ROBO2: variants seen among roughly 807,000 people sequenced by gnomAD.
The protein encoded by ROBO2 is roundabout guidance receptor 2, also known as roundabout homolog 2.
A neutral mutation model predicts 160.8 loss-of-function variants in ROBO2; 53 were observed. The ratio of observed to expected loss-of-function variants is 0.33; its 90% CI spans 0.26 to 0.41. The LOEUF is 0.41. Ranked by LOEUF, ROBO2 falls within the 10% of genes least tolerant of loss-of-function variation. The pLI, the probability that ROBO2 is intolerant of heterozygous loss-of-function variation, is 1.00. For missense variants in ROBO2, 1,577 were observed against 1,722.4 expected (o/e 0.92, Z 1.49); for synonymous variants, 664 against 611.7 (o/e 1.09, Z -1.26).
intron 2 of ROBO2, among the ~76,000 whole-genome samples, chr3:76,085,444 T>C (rs1473434095): frequency 1.3e-5 from 2 of 152,318 alleles, no homozygotes; most frequent in East Asian, 3.9e-4. Context: ...CATATCTTTA[T>C]CTTTTAAATA....
At chr3:77,064,522 A>G (rs1397053705) in intron 1 of ROBO2, among the ~76,000 whole-genome samples, 2 of 152,038 alleles carry the variant, frequency 1.3e-5, no homozygotes, top group Non-Finnish European at 2.9e-5. Context: ...CACCATGCCC[A>G]GCTAACTTTT....
rs553545435 is a variant in ROBO2, at chr3:76,817,746, T to C, written c.110-280268T>C. Among the ~76,000 whole-genome samples, 10 of 152,100 alleles carry C rather than the reference T, an allele frequency of 6.6e-5. No homozygotes were observed. The South Asian group carries it at 1.2e-3, about 19-fold the overall frequency. On this transcript the variant is annotated intron_variant, in intron 2 of 26. Coordinates refer to the ROBO2 transcript ENST00000487694. ...GAATTATGAATGAGAACATACGACA[T>C]TTGGTTTTCCATTCCCGAGTTACTT...
At chr3:76,213,827 C>A (rs1306236872) in intron 2 of ROBO2, among the ~76,000 whole-genome samples, 1 of 152,074 alleles carries the variant, frequency 6.6e-6, no homozygotes, top group African/African-American at 2.4e-5. Context: ...GAATACAAAA[C>A]ACAGAGAATA....
intron 7 of ROBO2, among the ~76,000 whole-genome samples, chr3:77,547,900 C>T (rs192520116): frequency 2.0e-5 from 3 of 151,978 alleles, no homozygotes; most frequent in East Asian, 1.9e-4. Context: ...CAGATGTTAG[C>T]GTCTCAGACT....
At chr3:76,705,666 A>G (rs2093146135) in intron 2 of ROBO2, among the ~76,000 whole-genome samples, 1 of 152,176 alleles carries the variant, frequency 6.6e-6, no homozygotes, top group Non-Finnish European at 1.5e-5. Context: ...TAAGAAATAC[A>G]GGTTAATTTT....
At chr3:77,521,685 T>A (rs778322619) in intron 5 of ROBO2, among the ~76,000 whole-genome samples, 2 of 151,282 alleles carry the variant, frequency 1.3e-5, no homozygotes, top group African/African-American at 2.4e-5. Flanking sequence ...CTTTTTCTCA[T>A]GTCAAGGTCT....
Position 77,546,538 on chromosome 3 carries a change from G to A in ROBO2, c.1059+76G>A, listed in dbSNP as rs531641268. 28 of 1,551,746 alleles carry A rather than the reference G, an allele frequency of 1.8e-5. No homozygotes were observed. The South Asian group carries it at 3.0e-4, about 17-fold the overall frequency. On this transcript the variant is annotated intron_variant, in intron 7 of 25. Transcript: ENST00000461745. The stretch of plus-strand genomic sequence containing the variant: ...TCTGCTGCTCCTGAAAGCTTGCCTT[G>A]CTTCTCTTGTTCTCAATGTTTGAAT...
chr3:77,487,774 T>C (rs556550394), intron 4 of ROBO2, among the ~76,000 whole-genome samples: 3 of 152,324 alleles, frequency 2.0e-5, no homozygotes, highest in South Asian at 2.1e-4. Flanking sequence ...GCTTTGGTCT[T>C]ACAGGACTTA....
intron 2 of ROBO2, among the ~76,000 whole-genome samples, chr3:76,997,442 T>C (rs2061082413): frequency 6.6e-6 from 1 of 152,218 alleles, no homozygotes; most frequent in Non-Finnish European, 1.5e-5. Flanking sequence ...TACATTTTTA[T>C]CAATGACTCT....
At chr3:76,732,032 A>C (rs1158032339) in intron 2 of ROBO2, among the ~76,000 whole-genome samples, 4 of 152,128 alleles carry the variant, frequency 2.6e-5, no homozygotes. Flanking sequence ...ACTGCCAGTT[A>C]TTTCACCCGG....
intron 2 of ROBO2, among the ~76,000 whole-genome samples, chr3:77,339,547 A>T (rs2066844351): frequency 6.6e-6 from 1 of 152,098 alleles, no homozygotes; most frequent in Non-Finnish European, 1.5e-5. Flanking sequence ...GCAAGAAATG[A>T]TCTTGGTCAG....
At chr3:77,216,832 C>G (rs2085030014) in intron 2 of ROBO2, among the ~76,000 whole-genome samples, 1 of 151,936 alleles carries the variant, frequency 6.6e-6, no homozygotes, top group Non-Finnish European at 1.5e-5. Context: ...ATTTAGAATG[C>G]CATATTTTTT....
At chr3:76,839,698 A>G (rs2068046470) in intron 2 of ROBO2, among the ~76,000 whole-genome samples, 1 of 152,154 alleles carries the variant, frequency 6.6e-6, no homozygotes, top group African/African-American at 2.4e-5. Context: ...GTTTAGGAAC[A>G]TTATTTCCTC....
Position 77,333,751 on chromosome 3 carries a change from A to G in ROBO2, c.389-143663A>G, listed in dbSNP as rs548372547. ...TTGGTATAACTAATTCTTTGATTCA[A>G]TAATGAAGATCATCACATTATGTTA... On this transcript the variant is annotated intron_variant, in intron 2 of 25. Transcript: ENST00000461745. Among the ~76,000 whole-genome samples the G allele has an allele frequency of 3.9e-5, 6 of 152,348 alleles. No homozygotes were observed. In the East Asian group the frequency reaches 7.7e-4, roughly 20 times the overall value.
chr3:76,475,193 C>T (rs2078869421), intron 2 of ROBO2, among the ~76,000 whole-genome samples: 1 of 151,672 alleles, frequency 6.6e-6, no homozygotes, highest in Non-Finnish European at 1.5e-5. Flanking sequence ...GGTATTTGAC[C>T]ACGGGAAAAA....
intron 2 of ROBO2, among the ~76,000 whole-genome samples, chr3:77,024,817 T>C (rs1377181348): frequency 1.3e-5 from 2 of 152,214 alleles, no homozygotes; most frequent in Non-Finnish European, 1.5e-5. Flanking sequence ...AAATCTGCAT[T>C]GTTTTTTGAA....
intron 2 of ROBO2, among the ~76,000 whole-genome samples, chr3:76,674,036 C>T (rs893792195): frequency 2.0e-5 from 3 of 152,012 alleles, no homozygotes; most frequent in African/African-American, 7.2e-5. Flanking sequence ...CCCCTCTGAA[C>T]GTGGCTTTGA....
chr3:76,509,004 T>G (rs1285788807), intron 2 of ROBO2, among the ~76,000 whole-genome samples: 2 of 152,222 alleles, frequency 1.3e-5, no homozygotes, highest in Non-Finnish European at 2.9e-5. Flanking sequence ...GCTCTACTAT[T>G]TCTATTGAAG....
chr3:77,606,153 T>C (rs2153695064), intron 20 of ROBO2, among the ~76,000 whole-genome samples: 1 of 152,124 alleles, frequency 6.6e-6, no homozygotes, highest in Non-Finnish European at 1.5e-5. Flanking sequence ...CCTGGAGAAG[T>C]TGGGAGTAAA....
Sources: gnomAD v4.1 joint callset for allele counts (sites outside exome capture counted in the v4.1 genomes callset) on GRCh38, gnomAD v4.1.1 for gene constraint, MANE v1.5 for transcripts, NCBI Gene and HGNC (gene_info 2026-07-23, HGNC 2026-07-21) for gene names.